TMEM232: variants seen among roughly 807,000 people sequenced by gnomAD.
The protein encoded by TMEM232 is transmembrane protein 232.
In TMEM232, 80 loss-of-function variants were observed where a neutral mutation model predicts 78.8. The ratio of observed to expected loss-of-function variants is 1.01; its 90% confidence interval spans 0.85 to 1.22. The LOEUF (loss-of-function observed/expected upper bound fraction) is 1.22, where lower values mean the gene tolerates loss of function less well. Ranked by LOEUF, TMEM232 falls within the 50% of genes most tolerant of loss-of-function variation. TMEM232 has a pLI of 0.00. For missense variants in TMEM232, 881 were observed against 742.2 expected, an observed-to-expected ratio of 1.19 and a Z score of -2.17; for synonymous variants, 297 against 254.3, an observed-to-expected ratio of 1.17 and a Z score of -1.60.
At chr5:110,500,151 G>A (rs913888080) in intron 12 of TMEM232, among the ~76,000 whole-genome samples, 1 of 151,960 alleles carries the variant, frequency 6.6e-6, no homozygotes, top group Admixed American at 6.6e-5. Flanking sequence ...AATTAGCCAG[G>A]TGTGGTGGCG....
chr5:110,518,799 C>A (rs1581040987), intron 12 of TMEM232, among the ~76,000 whole-genome samples: 1 of 151,888 alleles, frequency 6.6e-6, no homozygotes, highest in South Asian at 2.1e-4. Flanking sequence ...AGACAAATGC[C>A]AAGGAAGAAA....
intron 10 of TMEM232, among the ~76,000 whole-genome samples, chr5:110,578,153 A>C (rs2149716045): frequency 6.6e-6 from 1 of 152,116 alleles, no homozygotes; most frequent in Non-Finnish European, 1.5e-5. Flanking sequence ...TCTTTTCAAT[A>C]ATAATTGTGA....
At chr5:110,415,412 T>A (rs762507725), downstream of TMEM232, among the ~76,000 whole-genome samples, 56 of 151,674 alleles carry the variant, frequency 3.7e-4, no homozygotes, top group Non-Finnish European at 7.5e-4. Flanking sequence ...ATGGTCTCGA[T>A]CTCCTGACCC....
chr5:110,687,739 T>TAC (rs767445045), intron 1 of TMEM232, among the ~76,000 whole-genome samples: 9 of 151,884 alleles, frequency 5.9e-5, no homozygotes, highest in Admixed American at 1.3e-4. Flanking sequence ...TGTGTGTATA[T>TAC]ACACACACAC....
rs376076876 is a variant in TMEM232, at chr5:110,499,635, C to CCCCA, written c.1703+28952_1703+28953insTGGG. Among the ~76,000 whole-genome samples the CCCCA allele has an allele frequency of 5.3e-3, 764 of 143,508 alleles. 9 individuals carry two copies. Among genetic ancestry groups the CCCCA allele is most frequent in the East Asian group, 0.024 (121 of 4,980 alleles). The allele number at this position is 143,508 out of a possible 152,430, so 94.1% of individuals were successfully genotyped here. A position where few individuals can be genotyped will look rare whatever the true frequency, so the allele number is the denominator to read the frequency against. On this transcript the variant is annotated intron_variant, in intron 12 of 13. Coordinates refer to ENST00000455884, the MANE Select transcript of TMEM232 (RefSeq NM_001039763.4). ...GAAAAATATATGTATACACCCCCCC[C>CCCCA]CACACACACACATATATATATATAT...
Position 110,618,485 on chromosome 5 carries a change from C to G in TMEM232, c.846G>C (p.Leu282Phe). 1 of 1,551,656 alleles carries G rather than the reference C, an allele frequency of 6.4e-7. No individual in the cohort carries two copies. Among genetic ancestry groups the G allele is most frequent in the Non-Finnish European group, 8.7e-7 (1 of 1,146,868 alleles). Reference protein sequence around the residue: ...WSCVQNNSPQLNNVLEHLVFH... With the variant: ...WSCVQNNSPQFNNVLEHLVFH... ...AGACGAGATGTTCAAGCACGTTATT[C>G]AACTGAGGACTGTTATTCTGAACAC... The change falls in exon 8 of 14, where the codon TTG becomes TTC. Residue 282 changes from leucine to phenylalanine, a missense_variant. Transcript: ENST00000455884.
At chr5:110,696,634 T>A (rs1462026549) in intron 1 of TMEM232, among the ~76,000 whole-genome samples, 2 of 152,138 alleles carry the variant, frequency 1.3e-5, no homozygotes, top group East Asian at 1.9e-4. Context: ...TGTACAAAAA[T>A]CACAAGCATT....
intron 11 of TMEM232, among the ~76,000 whole-genome samples, chr5:110,532,069 C>T (rs192582494): frequency 0.037 from 5,636 of 152,190 alleles, 153 homozygotes; most frequent in Middle Eastern, 0.061. Context: ...TGAACTGCAG[C>T]GGCCAGGCAT....
In TMEM232 at chr5:110,700,504, T is replaced by C. The variant is rs530195934; in HGVS notation, c.-13+26123A>G. On this transcript the variant is annotated intron_variant, in intron 1 of 13. Transcript: ENST00000455884. ...CAACTCCAGCAACTCACTGGTCAGA[T>C]ATGCAGATCAAAATAGAGGACTCCC... Among the ~76,000 whole-genome samples, 48 of 152,152 alleles carry C rather than the reference T, an allele frequency of 3.2e-4. No homozygotes were observed. In the South Asian group the frequency reaches 9.7e-3, roughly 31 times the overall value.
chr5:110,586,233 ATT>A (rs1434589424), intron 10 of TMEM232, among the ~76,000 whole-genome samples: 1 of 151,802 alleles, frequency 6.6e-6, no homozygotes, highest in Non-Finnish European at 1.5e-5. Context: ...ACTTATTGTA[ATT>A]TTCTCTCATT....
chr5:110,520,667 C>G (rs1355162981), intron 12 of TMEM232, among the ~76,000 whole-genome samples: 1 of 152,154 alleles, frequency 6.6e-6, no homozygotes, highest in Non-Finnish European at 1.5e-5. Context: ...TGCCTGTAAT[C>G]CCAGCACTTT....
At position 110,552,013 on chromosome 5, in the gene TMEM232, T is replaced by C. The variant is rs888411774; in HGVS notation, c.1455+16434A>G. 1.4e-4 allele frequency among the ~76,000 whole-genome samples: 21 copies of C among 152,036 alleles called. 1 individual carries two copies. The highest frequency in any genetic ancestry group is 3.9e-4 in the African/African-American group (16 of 41,480). On this transcript the variant is annotated intron_variant, in intron 11 of 13. Coordinates refer to ENST00000455884, the MANE Select transcript of TMEM232 (RefSeq NM_001039763.4). Reference sequence around the variant, plus strand: ...ATTAGGTTCATCACATAGAAGGAAATTGAGCATACATAGTGGCATAAAAAT... The same window carrying C: ...ATTAGGTTCATCACATAGAAGGAAACTGAGCATACATAGTGGCATAAAAAT...
chr5:110,630,928 A>G (rs1365427493), intron 5 of TMEM232, among the ~76,000 whole-genome samples: 1 of 152,110 alleles, frequency 6.6e-6, no homozygotes, highest in Non-Finnish European at 1.5e-5. Flanking sequence ...AGTGAGCTAG[A>G]GACCCCTGAA....
exon 4 of TMEM232, chr5:110,390,621 T>C (rs896086585): frequency 2.6e-5 from 4 of 152,182 alleles, no homozygotes; most frequent in Non-Finnish European, 5.9e-5. Context: ...AATTGAAATA[T>C]TCTCTTGTGA....
intron 12 of TMEM232, among the ~76,000 whole-genome samples, chr5:110,435,527 G>T (rs1472134343): frequency 6.6e-6 from 1 of 151,556 alleles, no homozygotes; most frequent in African/African-American, 2.4e-5. Context: ...ATCTCCTATT[G>T]TGCTATCAAG....
intron 1 of TMEM232, among the ~76,000 whole-genome samples, chr5:110,718,578 C>A (rs978670115): frequency 6.6e-6 from 1 of 151,954 alleles, no homozygotes. Flanking sequence ...GAGTGGATTT[C>A]TTCTGTATTT....
At chr5:110,621,209 T>A (rs1373428768) in intron 7 of TMEM232, among the ~76,000 whole-genome samples, 2 of 151,758 alleles carry the variant, frequency 1.3e-5, no homozygotes, top group African/African-American at 4.9e-5. Context: ...AAATAAAAAA[T>A]AAATTTATCA....
chr5:110,561,445 ATAAT>A (rs1258597061), intron 11 of TMEM232, among the ~76,000 whole-genome samples: 1 of 152,104 alleles, frequency 6.6e-6, no homozygotes, highest in Non-Finnish European at 1.5e-5. Context: ...TGAGAATTAA[ATAAT>A]TAATGCACAT....
intron 12 of TMEM232, among the ~76,000 whole-genome samples, chr5:110,519,149 A>G (rs1389395712): frequency 6.6e-6 from 1 of 152,188 alleles, no homozygotes; most frequent in African/African-American, 2.4e-5. Flanking sequence ...TTCAAAGAAA[A>G]TATAATTTTT....
Sources: gnomAD v4.1 joint callset for allele counts (sites outside exome capture counted in the v4.1 genomes callset) on GRCh38, gnomAD v4.1.1 for gene constraint, MANE v1.5 for transcripts, NCBI Gene and HGNC (gene_info 2026-07-23, HGNC 2026-07-21) for gene names.